KHDRBS2: variants seen among roughly 807,000 people sequenced by gnomAD.
KHDRBS2 encodes the protein KH domain-containing, RNA-binding, signal transduction-associated protein 2.
In KHDRBS2, 26 loss-of-function variants were observed where a neutral mutation model predicts 44.3. The ratio of observed to expected loss-of-function variants is 0.59; its 90% CI spans 0.43 to 0.81. The LOEUF (loss-of-function observed/expected upper bound fraction) is 0.81, where lower values mean the gene tolerates loss of function less well. KHDRBS2 is among the 40% of genes least tolerant of loss of function. The probability of loss-of-function intolerance (pLI) is 0.00; values close to 1 mark genes in which losing one functional copy is unlikely to be tolerated. For synonymous variants in KHDRBS2, 194 were observed against 151.1 expected, an observed-to-expected ratio of 1.28 and a Z score of -2.08; for missense variants, 476 against 433.1, an observed-to-expected ratio of 1.10 and a Z score of -0.88.
chr6:62,233,890 T>C (rs1344828553), intron 1 of KHDRBS2, among the ~76,000 whole-genome samples: 8 of 152,168 alleles, frequency 5.3e-5, no homozygotes, highest in Admixed American at 3.9e-4. Flanking sequence ...CTACCATTGA[T>C]GGGGATTTAG....
At chr6:62,262,758 A>T (rs1366661025) in intron 1 of KHDRBS2, among the ~76,000 whole-genome samples, 1 of 151,698 alleles carries the variant, frequency 6.6e-6, no homozygotes, top group Non-Finnish European at 1.5e-5. Context: ...GTATTGGCTA[A>T]ATTAAATTAT....
chr6:61,944,070 A>C lies in KHDRBS2; in HGVS notation c.483+33996T>G, dbSNP rs114087837. On this transcript the variant is annotated intron_variant, in intron 4 of 8. Coordinates refer to ENST00000281156, the MANE Select transcript of KHDRBS2 (RefSeq NM_152688.4). Reference sequence around the variant, plus strand: ...GAACACTTATACACTACTGGTAGGAATGTAAATTAGTACAACCACTATGGA... The same window carrying C: ...GAACACTTATACACTACTGGTAGGACTGTAAATTAGTACAACCACTATGGA... Among the ~76,000 whole-genome samples, 295 of 152,302 alleles carry C rather than the reference A, an allele frequency of 1.9e-3. 2 individuals carry two copies. The highest frequency in any genetic ancestry group is 7.0e-3 in the African/African-American group (289 of 41,576).
chr6:61,561,749 C>T, the KHDRBS2 span, among the ~76,000 whole-genome samples: 1 of 152,152 alleles, frequency 6.6e-6, no homozygotes, highest in African/African-American at 2.4e-5. Flanking sequence ...GGGCAGTGGG[C>T]TCCTCTCTGG....
chr6:61,770,454 T>C (rs1455519396), intron 6 of KHDRBS2, among the ~76,000 whole-genome samples: 1 of 151,862 alleles, frequency 6.6e-6, no homozygotes, highest in African/African-American at 2.4e-5. Context: ...ATTAGACGAA[T>C]GGATAAGTAG....
intron 2 of KHDRBS2, among the ~76,000 whole-genome samples, chr6:62,059,801 G>C (rs1002000386): frequency 1.3e-5 from 2 of 151,696 alleles, no homozygotes; most frequent in African/African-American, 2.4e-5. Context: ...GCATAGGAAA[G>C]AAACTTGAGG....
At chr6:61,790,750 T>G (rs1784517867) in intron 6 of KHDRBS2, among the ~76,000 whole-genome samples, 1 of 151,582 alleles carries the variant, frequency 6.6e-6, no homozygotes, top group Non-Finnish European at 1.5e-5. Flanking sequence ...GCTCCTCAGG[T>G]TTTGACATCC....
Position 62,129,136 on chromosome 6 carries a change from TAAC to T in KHDRBS2, c.219+48046_219+48048del, listed in dbSNP as rs1442633974. Among the ~76,000 whole-genome samples the T allele has an allele frequency of 2.0e-5, 3 of 152,224 alleles. No individual in the cohort carries two copies. The South Asian group carries it at 6.2e-4, about 32-fold the overall frequency. On this transcript the variant is annotated intron_variant, in intron 2 of 8. Coordinates refer to ENST00000281156, the MANE Select transcript of KHDRBS2 (RefSeq NM_152688.4). ...TCCATCTTGCTGCAGATGGATAAAA[TAAC>T]AACTACTTTTCTATATTTTATGGAT...
At chr6:61,935,775 C>A (rs1349037979) in intron 4 of KHDRBS2, among the ~76,000 whole-genome samples, 1 of 152,006 alleles carries the variant, frequency 6.6e-6, no homozygotes, top group African/African-American at 2.4e-5. Context: ...AGATAAAACC[C>A]ATTTATTTAA....
chr6:61,827,269 T>C (rs2127258294), intron 6 of KHDRBS2, among the ~76,000 whole-genome samples: 1 of 152,264 alleles, frequency 6.6e-6, no homozygotes, highest in African/African-American at 2.4e-5. Context: ...TTCCTCTAGG[T>C]TACAGTTGGG....
At chr6:61,700,960 A>C (rs1183874788) in intron 7 of KHDRBS2, among the ~76,000 whole-genome samples, 3 of 151,956 alleles carry the variant, frequency 2.0e-5, no homozygotes, top group Non-Finnish European at 2.9e-5. Context: ...CCTCTGTTAC[A>C]ACAGAGTAGA....
At chr6:62,075,355 T>C (rs1415462921) in intron 2 of KHDRBS2, among the ~76,000 whole-genome samples, 1 of 151,922 alleles carries the variant, frequency 6.6e-6, no homozygotes, top group Non-Finnish European at 1.5e-5. Flanking sequence ...AAGAATTTGC[T>C]GGTGCTTTGA....
At chr6:61,782,806 G>A (rs1379839958) in intron 6 of KHDRBS2, among the ~76,000 whole-genome samples, 1 of 148,570 alleles carries the variant, frequency 6.7e-6, no homozygotes, top group African/African-American at 2.5e-5. Context: ...GTCTGATCTA[G>A]GTTGAGCATG....
intron 6 of KHDRBS2, among the ~76,000 whole-genome samples, chr6:61,867,601 T>A (rs987509473): frequency 2.6e-5 from 4 of 152,234 alleles, no homozygotes; most frequent in Non-Finnish European, 5.9e-5. Flanking sequence ...CTGCCTTCCA[T>A]CTTTGATGTT....
intron 6 of KHDRBS2, among the ~76,000 whole-genome samples, chr6:61,865,521 C>A (rs1360006736): frequency 3.3e-5 from 5 of 152,028 alleles, no homozygotes; most frequent in Non-Finnish European, 1.5e-5. Context: ...GGAAAGACCT[C>A]CCACCATGAT....
chr6:62,056,113 T>C (rs889322595), intron 2 of KHDRBS2, among the ~76,000 whole-genome samples: 4 of 151,984 alleles, frequency 2.6e-5, no homozygotes, highest in African/African-American at 9.7e-5. Flanking sequence ...ACAGTTATAT[T>C]AGCCTTGAAT....
chr6:61,943,635 AAC>A (rs869103689), intron 4 of KHDRBS2, among the ~76,000 whole-genome samples: 2 of 135,366 alleles, frequency 1.5e-5, no homozygotes, highest in African/African-American at 2.6e-5. Flanking sequence ...AGATAACTGA[AAC>A]AAAAATAGTC....
chr6:62,240,535 G>C (rs1834426457), intron 1 of KHDRBS2, among the ~76,000 whole-genome samples: 1 of 150,238 alleles, frequency 6.7e-6, no homozygotes, highest in African/African-American at 2.4e-5. Context: ...CACACAATTA[G>C]ATATATAATA....
intron 1 of KHDRBS2, among the ~76,000 whole-genome samples, chr6:62,231,873 C>T (rs1323244399): frequency 1.3e-5 from 2 of 152,134 alleles, no homozygotes; most frequent in Non-Finnish European, 2.9e-5. Flanking sequence ...ACTCAAGACA[C>T]CAATCTGTCT....
chr6:61,778,065 A>C (rs951312467), intron 6 of KHDRBS2, among the ~76,000 whole-genome samples: 2 of 152,124 alleles, frequency 1.3e-5, no homozygotes, highest in African/African-American at 4.8e-5. Flanking sequence ...ACTCCTATTC[A>C]ACATAGTATT....
Sources: gnomAD v4.1 joint callset for allele counts (sites outside exome capture counted in the v4.1 genomes callset) on GRCh38, gnomAD v4.1.1 for gene constraint, MANE v1.5 for transcripts, NCBI Gene and HGNC (gene_info 2026-07-23, HGNC 2026-07-21) for gene names.